Variants in AMBRA1 observed in about 807,000 individuals in gnomAD.
AMBRA1 encodes the protein autophagy and beclin 1 regulator 1.
Under a neutral mutation model 125.4 loss-of-function variants are expected in AMBRA1, and 47 were observed. The ratio of observed to expected loss-of-function variants is 0.37; its 90% CI spans 0.30 to 0.48. The LOEUF (loss-of-function observed/expected upper bound fraction) is 0.48, where lower values mean the gene tolerates loss of function less well. Ranked by LOEUF, AMBRA1 falls within the 20% of genes least tolerant of loss-of-function variation. The pLI is 0.99. For missense variants in AMBRA1, 1,331 were observed against 1,693.4 expected (o/e 0.79, Z 3.76); for synonymous variants, 626 against 655.5 (o/e 0.95, Z 0.69).
chr11:46,530,294 C>T (rs1217820183), intron 7 of AMBRA1, among the ~76,000 whole-genome samples: 3 of 149,432 alleles, frequency 2.0e-5, no homozygotes, highest in African/African-American at 4.8e-5. Context: ...GCACGCTCTA[C>T]ACCATTCAGC....
chr11:46,577,734 T>C (rs989916361), intron 1 of AMBRA1, among the ~76,000 whole-genome samples: 2 of 152,072 alleles, frequency 1.3e-5, no homozygotes, highest in Non-Finnish European at 2.9e-5. Context: ...GCAGATCACC[T>C]GAGGTCGGGA....
At chr11:46,525,830 T>C (rs1359921173) in intron 7 of AMBRA1, among the ~76,000 whole-genome samples, 1 of 152,060 alleles carries the variant, frequency 6.6e-6, no homozygotes, top group Non-Finnish European at 1.5e-5. Flanking sequence ...GAGAACTGCT[T>C]GAACCCAGAA....
intron 11 of AMBRA1, among the ~76,000 whole-genome samples, chr11:46,469,863 A>C (rs1156937431): frequency 7.0e-6 from 1 of 142,620 alleles, no homozygotes; most frequent in Non-Finnish European, 1.5e-5. Context: ...TTTTTGGTAG[A>C]GATATGGTCT....
chr11:46,486,629 G>A (rs1456402754), intron 11 of AMBRA1, among the ~76,000 whole-genome samples: 1 of 152,192 alleles, frequency 6.6e-6, no homozygotes, highest in Non-Finnish European at 1.5e-5. Context: ...GAGGAGGCTA[G>A]GTGCAGTGGC....
intron 11 of AMBRA1, among the ~76,000 whole-genome samples, chr11:46,454,170 A>G (rs1266415042): frequency 6.6e-6 from 1 of 152,100 alleles, no homozygotes; most frequent in African/African-American, 2.4e-5. Context: ...TGAGGAAAGG[A>G]AAAGAAATAG....
intron 9 of AMBRA1, among the ~76,000 whole-genome samples, chr11:46,496,490 T>C (rs1950635569): frequency 6.6e-6 from 1 of 152,178 alleles, no homozygotes; most frequent in East Asian, 1.9e-4. Context: ...CAGAATCACA[T>C]TACAGAGCTG....
chr11:46,531,661 G>T (rs1214027405), intron 7 of AMBRA1, among the ~76,000 whole-genome samples: 1 of 151,862 alleles, frequency 6.6e-6, no homozygotes, highest in Non-Finnish European at 1.5e-5. Flanking sequence ...AGTGAGCAGA[G>T]ATCTGCCACT....
intron 11 of AMBRA1, among the ~76,000 whole-genome samples, chr11:46,471,570 TC>T (rs1949591015): frequency 2.0e-5 from 3 of 151,058 alleles, no homozygotes; most frequent in African/African-American, 7.3e-5. Context: ...AGAGTAATAT[TC>T]CTTTAAGAGT....
chr11:46,400,981 G>A (rs1299660299), intron 17 of AMBRA1, among the ~76,000 whole-genome samples: 2 of 152,132 alleles, frequency 1.3e-5, no homozygotes, highest in Non-Finnish European at 2.9e-5. Flanking sequence ...CCCATCTTCA[G>A]GTTTTAAAGC....
chr11:46,442,351 C>A (rs1948059899), intron 12 of AMBRA1, among the ~76,000 whole-genome samples: 1 of 152,036 alleles, frequency 6.6e-6, no homozygotes, highest in African/African-American at 2.4e-5. Context: ...TCATGTTGGC[C>A]AGGCTGGTCT....
intron 11 of AMBRA1, among the ~76,000 whole-genome samples, chr11:46,473,414 A>G (rs1044769697): frequency 1.3e-5 from 2 of 152,242 alleles, no homozygotes; most frequent in African/African-American, 4.8e-5. Context: ...AGAGAGGGTG[A>G]TAACTTGCAT....
intron 1 of AMBRA1, among the ~76,000 whole-genome samples, chr11:46,553,590 C>CA (rs756321063): frequency 2.4e-4 from 37 of 152,044 alleles, no homozygotes; most frequent in Non-Finnish European, 5.0e-4. Flanking sequence ...ACTAAAAATA[C>CA]AAAAATTAGC....
chr11:46,433,135 A>C (rs538862340), intron 14 of AMBRA1, among the ~76,000 whole-genome samples: 72 of 152,300 alleles, frequency 4.7e-4, no homozygotes, highest in African/African-American at 1.7e-3. Context: ...CACACACACA[A>C]AAAGCTTTAA....
rs930985729 is a variant in AMBRA1, at chr11:46,580,542, C to CTCA, written c.-121+13283_-121+13285dup. On this transcript the variant is annotated intron_variant, in intron 1 of 17. Coordinates refer to ENST00000683756, the MANE Select transcript of AMBRA1 (RefSeq NM_001387011.1). Reference sequence around the variant, plus strand: ...AACACCACCTTCATCTACCCAGATGCTCAGGCCAAAAATCTGGAATCATAC... The same window carrying CTCA: ...AACACCACCTTCATCTACCCAGATGCTCATCAGGCCAAAAATCTGGAATCATAC... Among the ~76,000 whole-genome samples the CTCA allele has an allele frequency of 5.9e-5, 9 of 152,312 alleles. No homozygotes were observed. The South Asian group carries it at 8.3e-4, about 14-fold the overall frequency.
At chr11:46,485,531 C>T (rs563512254) in intron 11 of AMBRA1, among the ~76,000 whole-genome samples, 96 of 152,302 alleles carry the variant, frequency 6.3e-4, no homozygotes, top group African/African-American at 2.2e-3. Context: ...TAAAACAAAA[C>T]ATAGATATTG....
chr11:46,510,942 A>C (rs1351482708), intron 8 of AMBRA1, among the ~76,000 whole-genome samples: 2 of 152,218 alleles, frequency 1.3e-5, no homozygotes, highest in African/African-American at 4.8e-5. Flanking sequence ...TAAATGTTTA[A>C]ATAAATCCTT....
intron 11 of AMBRA1, among the ~76,000 whole-genome samples, chr11:46,443,844 T>C (rs41530551): frequency 0.012 from 1,845 of 152,300 alleles, 18 homozygotes; most frequent in Non-Finnish European, 0.021. Context: ...TTACTTAACA[T>C]TTACTTAGTG....
chr11:46,431,205 T>C (rs1947442122), intron 14 of AMBRA1, among the ~76,000 whole-genome samples: 1 of 152,204 alleles, frequency 6.6e-6, no homozygotes, highest in South Asian at 2.1e-4. Context: ...ACAGGAACAC[T>C]TCCCAAATGG....
chr11:46,592,241 A>ATT (rs898452892), intron 1 of AMBRA1, among the ~76,000 whole-genome samples: 2 of 148,528 alleles, frequency 1.3e-5, no homozygotes, highest in Non-Finnish European at 3.0e-5. Flanking sequence ...GACAGGCTGA[A>ATT]TTTTTTTTTT....
Sources: allele counts gnomAD v4.1 joint callset (sites outside exome capture counted in the v4.1 genomes callset), GRCh38; gene constraint gnomAD v4.1.1; transcripts MANE v1.5; gene names NCBI Gene and HGNC (gene_info 2026-07-23, HGNC 2026-07-21).